The following DOT1L variants were observed in gnomAD, a reference collection of about 807,000 sequenced individuals.
DOT1L encodes the protein DOT1 like histone lysine methyltransferase, also known as histone-lysine N-methyltransferase, H3 lysine-79 specific.
Under a neutral mutation model 153.3 loss-of-function variants are expected in DOT1L, and 33 were observed. The observed-to-expected ratio is 0.22, with a 90% CI of 0.16 to 0.29. The LOEUF is 0.29. Among genes scored for constraint, DOT1L ranks in the 10% least tolerant of loss-of-function variants. The pLI, the probability that DOT1L is intolerant of heterozygous loss-of-function variation, is 1.00. For synonymous variants in DOT1L, 1,135 were observed against 965.1 expected (o/e 1.18, Z -3.26); for missense variants, 1,847 against 2,119.9 (o/e 0.87, Z 2.53).
chr19:2,207,730 C>A lies in DOT1L; in HGVS notation c.963+50C>A. ...CGCAGGGCCGTCCTGGTCTTCCACC[C>A]CGCCCACGTCACACTGCTCTCTCCT... On this transcript the variant is annotated intron_variant, in intron 11 of 27. Transcript: ENST00000398665. This position sits in a 1 kb window ranked among gnomAD's most constrained non-coding sequence, Gnocchi z 4.5. 1 of 1,490,732 alleles carries A rather than the reference C, an allele frequency of 6.7e-7. No homozygotes were observed. The highest frequency in any genetic ancestry group is 9.1e-7 in the Non-Finnish European group (1 of 1,096,470). 92.3% of individuals were successfully genotyped at this position (1,490,732 alleles called of 1,614,324 possible). A position where few individuals can be genotyped will look rare whatever the true frequency, so the allele number is the denominator to read the frequency against.
rs117747984 is a variant in DOT1L, at chr19:2,229,809, G to A, written c.*17G>A. ...GGTAACTAGGATTTCTACCTCAACC[G>A]CGAGACCTATGCAAGGACGGTGTGG... On this transcript the variant is annotated 3_prime_UTR_variant, in exon 28 of 28. Coordinates refer to ENST00000398665, the MANE Select transcript of DOT1L (RefSeq NM_032482.3). 6.9e-4 allele frequency: 1,110 copies of A among 1,613,186 alleles called. 17 individuals are homozygous for A. The East Asian group carries it at 0.02, about 30-fold the overall frequency.
intron 3 of DOT1L, among the ~76,000 whole-genome samples, chr19:2,186,677 A>G (rs1276629970): frequency 6.6e-6 from 1 of 152,132 alleles, no homozygotes; most frequent in Non-Finnish European, 1.5e-5. Flanking sequence ...CAGCCTCAGT[A>G]AACCTCGAGA....
intron 1 of DOT1L, among the ~76,000 whole-genome samples, chr19:2,165,291 C>CGG (rs58280378): frequency 6.6e-6 from 1 of 151,950 alleles, no homozygotes; most frequent in Admixed American, 6.5e-5. Context: ...CCCGCGCGCG[C>CGG]TGGGCTTGTG....
At chr19:2,164,699 G>C (rs1568320638) in intron 1 of DOT1L, among the ~76,000 whole-genome samples, 1 of 152,034 alleles carries the variant, frequency 6.6e-6, no homozygotes, top group Non-Finnish European at 1.5e-5. Context: ...AAAATTGGGC[G>C]TTTGTCACGC....
In DOT1L at chr19:2,230,595, G is replaced by T. The variant is rs551812077; in HGVS notation, c.*803G>T. The T allele has an allele frequency of 5.0e-6, 2 of 398,578 alleles. No homozygotes were observed. The highest frequency in any genetic ancestry group is 4.4e-5 in the Admixed American group (1 of 22,724). The allele number at this position is 398,578 out of a possible 1,614,324, so 24.7% of individuals were successfully genotyped here. ...CCCTGCGATGCGGGGCAGGCCTGTC[G>T]TGGGTCCCTTGGTGTTTCTGTACAG... is the stretch of plus-strand genomic sequence containing the variant. On this transcript the variant is annotated 3_prime_UTR_variant, in exon 28 of 28. Coordinates refer to ENST00000398665, the MANE Select transcript of DOT1L (RefSeq NM_032482.3).
At position 2,220,598 on chromosome 19, in the gene DOT1L, C is replaced by T. The variant is rs761543276; in HGVS notation, c.2806+376C>T. On this transcript the variant is annotated intron_variant, in intron 23 of 27. Transcript: ENST00000398665. This position sits in a 1 kb window ranked among gnomAD's most constrained non-coding sequence, Gnocchi z 4.5. ...CCAATGGCACACGACCGTGGGCCTC[C>T]GTGCTGGTAGCGGCATGGTTTCTGG... 27 of 451,082 alleles carry T rather than the reference C, an allele frequency of 6.0e-5. No homozygotes were observed. The highest frequency in any genetic ancestry group is 2.6e-4 in the South Asian group (17 of 64,212). 27.9% of individuals were successfully genotyped at this position (451,082 alleles called of 1,614,324 possible). A position where few individuals can be genotyped will look rare whatever the true frequency, so the allele number is the denominator to read the frequency against.
intron 22 of DOT1L, among the ~76,000 whole-genome samples, chr19:2,218,157 T>G (rs1262660356): frequency 6.6e-6 from 1 of 152,200 alleles, no homozygotes; most frequent in Non-Finnish European, 1.5e-5. Context: ...TCACACCTTC[T>G]GGGTTGAGGA....
chr19:2,175,924 C>T (rs775160582), intron 1 of DOT1L, among the ~76,000 whole-genome samples: 11 of 152,268 alleles, frequency 7.2e-5, no homozygotes, highest in South Asian at 2.1e-4. Flanking sequence ...TGGGCTCTTC[C>T]GCACAGAGGC....
At chr19:2,164,900 C>G (rs1751728338) in intron 1 of DOT1L, among the ~76,000 whole-genome samples, 1 of 152,174 alleles carries the variant, frequency 6.6e-6, no homozygotes, top group Non-Finnish European at 1.5e-5. Context: ...TGGGGACAGG[C>G]TTTATTTATC....
At chr19:2,189,256 C>T (rs2022685898) in intron 3 of DOT1L, among the ~76,000 whole-genome samples, 1 of 152,222 alleles carries the variant, frequency 6.6e-6, no homozygotes, top group Non-Finnish European at 1.5e-5. Flanking sequence ...GCTCACTCCT[C>T]CTGCACCTGC....
intron 1 of DOT1L, among the ~76,000 whole-genome samples, chr19:2,171,933 C>T (rs1568326425): frequency 2.6e-5 from 4 of 152,212 alleles, no homozygotes; most frequent in African/African-American, 9.6e-5. Context: ...ATTGGAATCA[C>T]AGAAGTGATT....
chr19:2,167,459 G>T (rs2019966921), intron 1 of DOT1L, among the ~76,000 whole-genome samples: 1 of 152,218 alleles, frequency 6.6e-6, no homozygotes, highest in South Asian at 2.1e-4. Context: ...GGCGAGAGCT[G>T]GCGGGAGCGG....
intron 12 of DOT1L, 110 bp downstream of exon 12, chr19:2,209,086 G>T: frequency 7.8e-7 from 1 of 1,281,654 alleles, no homozygotes; most frequent in South Asian, 1.4e-5. Context: ...GCACAGCCCT[G>T]CCGCCCCTCG....
rs148954379 is a variant in DOT1L at position 2,180,767 on chromosome 19, G to A, written c.125+11G>A. ...CATCGAGACCATCCGGTGAGTGCACGGCCTGCAGTGTGTTGTCTTCACAGC... is the reference window on the plus strand; with the variant it reads ...CATCGAGACCATCCGGTGAGTGCACAGCCTGCAGTGTGTTGTCTTCACAGC... On this transcript the variant is annotated intron_variant, in intron 2 of 27. Coordinates refer to ENST00000398665, the MANE Select transcript of DOT1L (RefSeq NM_032482.3). 52 of 1,613,798 alleles carry A rather than the reference G, an allele frequency of 3.2e-5. No homozygotes were observed. The East Asian group carries it at 1.1e-3, about 33-fold the overall frequency.
At chr19:2,227,760 T>A (rs953656973) in intron 27 of DOT1L, 1 of 1,319,568 alleles carries the variant, frequency 7.6e-7, no homozygotes, top group African/African-American at 1.5e-5. Context: ...CGCGGTGCCC[T>A]CCGCCTCTGC....
chr19:2,226,106 C>T, intron 26 of DOT1L, 77 bp from the exon 27 acceptor site: 2 of 1,441,098 alleles, frequency 1.4e-6, no homozygotes, highest in Non-Finnish European at 1.8e-6. Flanking sequence ...CGGGCCGTGG[C>T]AGCAGCCCCG....
chr19:2,212,591 G>A (rs912806896), intron 16 of DOT1L: 1 of 152,276 alleles, frequency 6.6e-6, no homozygotes, highest in Non-Finnish European at 1.5e-5. Flanking sequence ...GACAAAGCCA[G>A]CTCTTTTGCA....
chr19:2,229,721 G>A (rs887722005), intron 27 of DOT1L, 64 bp from the exon 28 acceptor site: 1 of 1,610,892 alleles, frequency 6.2e-7, no homozygotes, highest in Non-Finnish European at 8.5e-7. Flanking sequence ...GCCTGGGTGA[G>A]TGTTGGGCTC....
At position 2,174,547 on chromosome 19, in the gene DOT1L, G is replaced by A. The variant is rs574865635; in HGVS notation, c.82-6166G>A. On this transcript the variant is annotated intron_variant, in intron 1 of 27. Transcript: ENST00000398665. ...GTTAAAAATACAAAATTAGCTGGGT[G>A]TGGTGGCGCACGCCTGTAATCCCAG... 3.7e-3 allele frequency among the ~76,000 whole-genome samples: 554 copies of A among 150,536 alleles called. 8 individuals carry two copies. Among genetic ancestry groups the A allele is most frequent in the African/African-American group, 0.013 (515 of 39,890 alleles).
Sources: allele counts gnomAD v4.1 joint callset (sites outside exome capture counted in the v4.1 genomes callset), GRCh38; gene constraint gnomAD v4.1.1; non-coding constraint Gnocchi (gnomAD v3.1); transcripts MANE v1.5; gene names NCBI Gene and HGNC (gene_info 2026-07-23, HGNC 2026-07-21).